The following VSTM2A variants were observed in gnomAD, a reference collection of about 807,000 sequenced individuals.
The protein encoded by VSTM2A is V-set and transmembrane domain containing 2A.
A neutral mutation model predicts 27.3 loss-of-function variants in VSTM2A; 13 were observed. That is an observed-to-expected ratio of 0.48 (90% CI 0.31 to 0.76). The LOEUF is 0.76. Ranked by LOEUF, VSTM2A falls within the 30% of genes least tolerant of loss-of-function variation. The pLI, the probability that VSTM2A is intolerant of heterozygous loss-of-function variation, is 0.05. For missense variants in VSTM2A, 280 were observed against 310.0 expected, an observed-to-expected ratio of 0.90 and a Z score of 0.73; for synonymous variants, 142 against 125.7, an observed-to-expected ratio of 1.13 and a Z score of -0.87.
At chr7:54,545,420 C>T (rs1225776614) in intron 2 of VSTM2A, among the ~76,000 whole-genome samples, 1 of 98,282 alleles carries the variant, frequency 1.0e-5, no homozygotes, top group East Asian at 2.9e-4. Context: ...AGGGGAGAGA[C>T]GGAAGGGAAA....
intron 4 of VSTM2A, among the ~76,000 whole-genome samples, chr7:54,555,243 C>CA (rs1224396454): frequency 6.6e-6 from 1 of 152,138 alleles, no homozygotes; most frequent in Non-Finnish European, 1.5e-5. Context: ...CAATCTATTC[C>CA]AAAAAGAATT....
At chr7:54,558,164 TC>T (rs764228894) in intron 4 of VSTM2A, 69 of 152,222 alleles carry the variant, frequency 4.5e-4, no homozygotes, top group Admixed American at 1.8e-3. Flanking sequence ...TTGGTGTTCA[TC>T]TTAATTAAAT....
chr7:54,544,520 TG>T (rs1787879113), intron 1 of VSTM2A, 101 bp from the exon 2 acceptor site: 1 of 1,425,460 alleles, frequency 7.0e-7, no homozygotes, highest in Non-Finnish European at 9.8e-7. Context: ...AGAGGGGTTT[TG>T]TTGCTATTTA....
At chr7:54,557,711 T>A (rs371668139) in intron 4 of VSTM2A, 8 of 152,222 alleles carry the variant, frequency 5.3e-5, no homozygotes, top group African/African-American at 1.9e-4. Context: ...GATGTACATA[T>A]GAAGATTGAC....
At chr7:54,553,913 A>G (rs1272195783) in intron 4 of VSTM2A, 8 of 1,550,092 alleles carry the variant, frequency 5.2e-6, no homozygotes, top group Non-Finnish European at 7.0e-6. Flanking sequence ...GACCACCTCT[A>G]CTAGTCCTTC....
intron 4 of VSTM2A, chr7:54,559,570 G>A (rs927657754): frequency 2.0e-5 from 3 of 152,110 alleles, no homozygotes; most frequent in Non-Finnish European, 4.4e-5. Context: ...CCTTGTGAAG[G>A]AAAATTTGTC....
chr7:54,549,462 T>G (rs969001482), intron 3 of VSTM2A, among the ~76,000 whole-genome samples: 1 of 152,232 alleles, frequency 6.6e-6, no homozygotes, highest in African/African-American at 2.4e-5. Flanking sequence ...GAAAAGAGGT[T>G]GTTTCACCTA....
Position 54,567,695 on chromosome 7 carries a change from C to T in VSTM2A, c.635-1436C>T, listed in dbSNP as rs114315554. Among the ~76,000 whole-genome samples the T allele has an allele frequency of 8.9e-3, 1,360 of 152,226 alleles. 24 individuals carry two copies. Among genetic ancestry groups the T allele is most frequent in the African/African-American group, 0.031 (1,294 of 41,542 alleles). Reference sequence around the variant, plus strand: ...GCATTTTAAAACTTGTATTCAATACCAGACATACTTTGTGTGAAATCAAGT... The same window carrying T: ...GCATTTTAAAACTTGTATTCAATACTAGACATACTTTGTGTGAAATCAAGT... On this transcript the variant is annotated intron_variant, in intron 4 of 4. Transcript: ENST00000402613.
chr7:54,553,342 T>A (rs1788248276), intron 4 of VSTM2A, among the ~76,000 whole-genome samples: 1 of 152,196 alleles, frequency 6.6e-6, no homozygotes, highest in African/African-American at 2.4e-5. Flanking sequence ...GGCAAACAGA[T>A]AAACAAAACT....
chr7:54,553,767 C>T (rs967685333), intron 4 of VSTM2A: 180 of 1,491,710 alleles, frequency 1.2e-4, no homozygotes, highest in South Asian at 9.7e-4. Flanking sequence ...GTTTAGGTCC[C>T]TCTTCGCAGA....
Position 54,544,663 on chromosome 7 carries a change from G to T in VSTM2A, c.121G>T (p.Gly41Trp), listed in dbSNP as rs775572838. Residue 41 changes from glycine to tryptophan, a missense_variant, in exon 2 of 5, where the codon GGG (glycine) becomes TGG (tryptophan). Physicochemically the swap from Gly to Trp is radical, Grantham distance 184. Coordinates refer to ENST00000402613, the MANE Select transcript of VSTM2A (RefSeq NM_001301009.2). ...EFPRNVTATEGQNVEMSCAFQ... is the reference protein window; with the variant it reads ...EFPRNVTATEWQNVEMSCAFQ... Reference sequence around the variant, plus strand: ...TCCGCGGAACGTGACGGCGACCGAGGGGCAGAATGTGGAGATGTCCTGCGC... The same window carrying T: ...TCCGCGGAACGTGACGGCGACCGAGTGGCAGAATGTGGAGATGTCCTGCGC... 1 of 1,613,020 alleles carries T rather than the reference G, an allele frequency of 6.2e-7. No individual in the cohort carries two copies. Among genetic ancestry groups the T allele is most frequent in the Non-Finnish European group, 8.5e-7 (1 of 1,179,864 alleles).
In VSTM2A at chr7:54,542,716, C is replaced by T. The variant is rs1787822104; in HGVS notation, c.-15C>T. ...GCTGTTGGCTACACTGATGTGACCCCCCTCCCTTTTTGGAATGATGGGGAT... is the reference window on the plus strand; with the variant it reads ...GCTGTTGGCTACACTGATGTGACCCTCCTCCCTTTTTGGAATGATGGGGAT... On this transcript the variant is annotated 5_prime_UTR_variant, in exon 1 of 5. Coordinates refer to ENST00000402613, the MANE Select transcript of VSTM2A (RefSeq NM_001301009.2). 1 of 1,613,050 alleles carries T rather than the reference C, an allele frequency of 6.2e-7. No individual in the cohort carries two copies. The highest frequency in any genetic ancestry group is 1.7e-5 in the Admixed American group (1 of 59,936).
intron 2 of VSTM2A, 115 bp downstream of exon 2, chr7:54,544,903 C>G (rs1787896518): frequency 7.8e-7 from 1 of 1,288,474 alleles, no homozygotes; most frequent in African/African-American, 1.5e-5. Context: ...CTGCCCGGTT[C>G]TGTGGAAGCG....
chr7:54,562,994 G>A (rs1788609179), intron 4 of VSTM2A, among the ~76,000 whole-genome samples: 1 of 152,144 alleles, frequency 6.6e-6, no homozygotes, highest in Non-Finnish European at 1.5e-5. Context: ...AGTAAATGTA[G>A]TGCTAATTAT....
intron 4 of VSTM2A, among the ~76,000 whole-genome samples, chr7:54,561,922 TG>T (rs1788573723): frequency 6.9e-6 from 1 of 144,838 alleles, no homozygotes; most frequent in African/African-American, 2.8e-5. Flanking sequence ...TTTAGTTTTT[TG>T]TTTGTTTTTT....
intron 3 of VSTM2A, among the ~76,000 whole-genome samples, chr7:54,547,944 A>G (rs921493555): frequency 1.3e-5 from 2 of 152,200 alleles, no homozygotes; most frequent in African/African-American, 4.8e-5. Context: ...CATGGAAGAA[A>G]AAATGACAAA....
In VSTM2A at chr7:54,555,279, A is replaced by G. The variant is rs542316235; in HGVS notation, c.634+5109A>G. On this transcript the variant is annotated intron_variant, in intron 4 of 4. Transcript: ENST00000402613. ...TCTTGTTTTAACTCTAATACAAGGG[A>G]CGTATCACAACAGAGCATGTGTGAA... is the stretch of plus-strand genomic sequence containing the variant. Among the ~76,000 whole-genome samples the G allele has an allele frequency of 1.3e-4, 20 of 152,362 alleles. No individual in the cohort carries two copies. The South Asian group carries it at 3.9e-3, about 30-fold the overall frequency.
intron 4 of VSTM2A, among the ~76,000 whole-genome samples, chr7:54,560,811 CA>C (rs773194523): frequency 2.0e-4 from 30 of 152,066 alleles, no homozygotes; most frequent in Non-Finnish European, 3.5e-4. Context: ...ATTATCTTCA[CA>C]GACAAACATT....
chr7:54,565,242 T>C (rs1788685284), intron 4 of VSTM2A, among the ~76,000 whole-genome samples: 1 of 152,230 alleles, frequency 6.6e-6, no homozygotes. Flanking sequence ...GGATGAGTTA[T>C]TTCACTTTGC....
Sources: gnomAD v4.1 joint callset for allele counts (sites outside exome capture counted in the v4.1 genomes callset) on GRCh38, gnomAD v4.1.1 for gene constraint, MANE v1.5 for transcripts, NCBI Gene and HGNC (gene_info 2026-07-23, HGNC 2026-07-21) for gene names.